The following ANKRD52 variants were observed in gnomAD, a reference collection of about 807,000 sequenced individuals.
ANKRD52 encodes ankyrin repeat domain 52.
Under a neutral mutation model 116.0 loss-of-function variants are expected in ANKRD52, and 7 were observed. The observed-to-expected ratio is 0.06, with a 90% CI of 0.03 to 0.11. ANKRD52 has a LOEUF of 0.11. ANKRD52 is among the 10% of genes least tolerant of loss of function. ANKRD52 has a pLI of 1.00. For synonymous variants in ANKRD52, 528 were observed against 578.1 expected (o/e 0.91, Z 1.24); for missense variants, 839 against 1,408.6 (o/e 0.60, Z 6.47).
intron 18 of ANKRD52, 108 bp downstream of exon 18, chr12:56,247,915 G>T: frequency 1.5e-6 from 2 of 1,365,292 alleles, no homozygotes; most frequent in Non-Finnish European, 2.0e-6. Context: ...ATGAATCAGG[G>T]CTTGAAGTCT....
Position 56,255,178 on chromosome 12 carries a change from G to A in ANKRD52, c.463-226C>T. 2.1e-6 allele frequency: 1 copy of A among 466,826 alleles called. No homozygotes were observed. The highest frequency in any genetic ancestry group is 3.2e-5 in the East Asian group (1 of 31,744). The allele number at this position is 466,826 out of a possible 1,614,324, so 28.9% of individuals were successfully genotyped here. ...ACAAGAGAGTCTCTTCAGGTGATCT[G>A]GTGGTTCTTAAACTCTTTTTTTTTT... On this transcript the variant is annotated intron_variant, in intron 5 of 27. Transcript: ENST00000267116. The surrounding 1 kb of genome is among the most constrained non-coding windows in gnomAD (Gnocchi z 4.3).
In ANKRD52 at chr12:56,244,476, A is replaced by G. The variant is rs937702829; in HGVS notation, c.2723-41T>C. 2 of 1,608,216 alleles carry G rather than the reference A, an allele frequency of 1.2e-6. No individual in the cohort carries two copies. The highest frequency in any genetic ancestry group is 2.7e-5 in the African/African-American group (2 of 74,812). On this transcript the variant is annotated intron_variant, in intron 24 of 27. Transcript: ENST00000267116. The surrounding 1 kb of genome is among the most constrained non-coding windows in gnomAD (Gnocchi z 4.9). Reference sequence around the variant, plus strand: ...GATAGAGGGACTGACCCCTCCCTCCAGAGCAGTAGCCATCCTGGCTCTCCA... The same window carrying G: ...GATAGAGGGACTGACCCCTCCCTCCGGAGCAGTAGCCATCCTGGCTCTCCA...
intron 4 of ANKRD52, among the ~76,000 whole-genome samples, chr12:56,256,785 C>T (rs1001776289): frequency 2.0e-5 from 3 of 152,188 alleles, no homozygotes; most frequent in African/African-American, 2.4e-5. Context: ...GCAGGGCCCC[C>T]GCAGTCTGCC....
At position 56,258,362 on chromosome 12, in the gene ANKRD52, G is replaced by T. The variant is rs1208235161; in HGVS notation, c.-93C>A. ...GAGCGGCCCAGGCGGCGGCTGCGGTGGCGGCTGCAGGGAGAGCGCGGCCCC... is the reference window on the plus strand; with the variant it reads ...GAGCGGCCCAGGCGGCGGCTGCGGTTGCGGCTGCAGGGAGAGCGCGGCCCC... On this transcript the variant is annotated 5_prime_UTR_variant, in exon 1 of 28. Coordinates refer to ENST00000267116, the MANE Select transcript of ANKRD52 (RefSeq NM_173595.4). 5.3e-6 allele frequency: 7 copies of T among 1,328,372 alleles called. No homozygotes were observed. The Admixed American group carries it at 1.6e-4, about 31-fold the overall frequency. 82.3% of individuals were successfully genotyped at this position (1,328,372 alleles called of 1,614,324 possible). A position where few individuals can be genotyped will look rare whatever the true frequency, so the allele number is the denominator to read the frequency against.
chr12:56,245,351 TG>T, intron 21 of ANKRD52, 25 bp downstream of exon 21: 1 of 1,605,468 alleles, frequency 6.2e-7, no homozygotes, highest in Non-Finnish European at 8.5e-7. Context: ...CATGCTCCTG[TG>T]CCTGTGGAGG....
Position 56,247,615 on chromosome 12 carries a change from A to C in ANKRD52, c.2067-5T>G. On this transcript the variant is annotated splice_region_variant and splice_polypyrimidine_tract_variant and intron_variant, in intron 19 of 27. Transcript: ENST00000267116. ...ATGGCCAGCATCAGTGGGGTCCTACAGAAGGGCAGGAGGAGGAGTGAGGAT... is the reference window on the plus strand; with the variant it reads ...ATGGCCAGCATCAGTGGGGTCCTACCGAAGGGCAGGAGGAGGAGTGAGGAT... 6.3e-7 allele frequency: 1 copy of C among 1,590,514 alleles called. No individual in the cohort carries two copies. The highest frequency in any genetic ancestry group is 8.6e-7 in the Non-Finnish European group (1 of 1,167,506).
chr12:56,248,691 T>G lies in ANKRD52; in HGVS notation c.1704+68A>C. On this transcript the variant is annotated intron_variant, in intron 16 of 27. Coordinates refer to ENST00000267116, the MANE Select transcript of ANKRD52 (RefSeq NM_173595.4). This position sits in a 1 kb window ranked among gnomAD's most constrained non-coding sequence, Gnocchi z 5.1. ...AGACCACATTTGATTGAACCCTTAG[T>G]TTTGGAATCCACAAACCCTGTGCCC... The G allele has an allele frequency of 1.3e-6, 2 of 1,507,716 alleles. No homozygotes were observed. Among genetic ancestry groups the G allele is most frequent in the Non-Finnish European group, 1.8e-6 (2 of 1,103,390 alleles). The allele number at this position is 1,507,716 out of a possible 1,614,324, so 93.4% of individuals were successfully genotyped here. A position where few individuals can be genotyped will look rare whatever the true frequency, so the allele number is the denominator to read the frequency against.
chr12:56,245,016 C>T (rs1363061744), intron 22 of ANKRD52, 27 bp from the exon 23 acceptor site: 3 of 1,613,506 alleles, frequency 1.9e-6, no homozygotes, highest in Non-Finnish European at 2.5e-6. Context: ...GAGGGGTCAT[C>T]AGGAAGGACA....
In ANKRD52 at chr12:56,254,665, C is replaced by T; in HGVS notation, c.606G>A (p.Lys202=). ...LVARGADLGC[K]DRKGYGLLHT... ...GGAGCAGCCCATAGCCCTTGCGGTC[C>T]TTGCAGCCGAGGTCTGCTCCCCGTG... Residue 202 remains lysine, a synonymous_variant, in exon 7 of 28, where the codon AAG becomes AAA. Transcript: ENST00000267116. This position sits in a 1 kb window ranked among gnomAD's most constrained non-coding sequence, Gnocchi z 4.6. 6.2e-7 allele frequency: 1 copy of T among 1,613,676 alleles called. No individual in the cohort carries two copies. The highest frequency in any genetic ancestry group is 1.7e-5 in the Admixed American group (1 of 60,008).
rs1439565856 is a variant in ANKRD52, at chr12:56,253,764, T to C, written c.943A>G (p.Ile315Val). 4 of 1,613,820 alleles carry C rather than the reference T, an allele frequency of 2.5e-6. No individual in the cohort carries two copies. Among genetic ancestry groups the C allele is most frequent in the Non-Finnish European group, 3.4e-6 (4 of 1,179,878 alleles). ...TGGGAGCGTGTGAAACGGCCATGGA[T>C]TGCAGCCATGTGCAGAGGACTTTTC... ...EGKSPLHMAA[I>V]HGRFTRSQIL... The change falls in exon 9 of 28, where the codon ATC becomes GTC. Residue 315 changes from isoleucine to valine, a missense_variant. By Grantham distance (29) the Ile-to-Val change is conservative. Transcript: ENST00000267116. This position sits in a 1 kb window ranked among gnomAD's most constrained non-coding sequence, Gnocchi z 5.5.
At position 56,244,446 on chromosome 12, in the gene ANKRD52, A is replaced by G; in HGVS notation, c.2723-11T>C. ...GATACAGCAGAAATTCTACGAGAGA[A>G]ATGTGATAGAGGGACTGACCCCTCC... On this transcript the variant is annotated splice_polypyrimidine_tract_variant and intron_variant, in intron 24 of 27. Transcript: ENST00000267116. The surrounding 1 kb of genome is among the most constrained non-coding windows in gnomAD (Gnocchi z 4.9). The G allele has an allele frequency of 6.2e-7, 1 of 1,613,706 alleles. No individual in the cohort carries two copies. The highest frequency in any genetic ancestry group is 8.5e-7 in the Non-Finnish European group (1 of 1,179,692).
At chr12:56,247,364 AG>A (rs375514781) in intron 20 of ANKRD52, 128 bp downstream of exon 20, 8 of 752,594 alleles carry the variant, frequency 1.1e-5, no homozygotes, top group Admixed American at 6.1e-5. Context: ...AAAAAAAAAA[AG>A]AAAAAGAAAA....
chr12:56,243,462 G>T lies in ANKRD52; in HGVS notation c.2981-70C>A. Reference sequence around the variant, plus strand: ...TAGCCAGCCTCCCCCAAGCCCTGAAGTCTCTTCTCTGTGGAGGGAGCCAAG... The same window carrying T: ...TAGCCAGCCTCCCCCAAGCCCTGAATTCTCTTCTCTGTGGAGGGAGCCAAG... On this transcript the variant is annotated intron_variant, in intron 27 of 27. Coordinates refer to ENST00000267116, the MANE Select transcript of ANKRD52 (RefSeq NM_173595.4). The surrounding 1 kb of genome is among the most constrained non-coding windows in gnomAD (Gnocchi z 4.6). 6.5e-6 allele frequency: 10 copies of T among 1,533,536 alleles called. No homozygotes were observed. Among genetic ancestry groups the T allele is most frequent in the Non-Finnish European group, 8.8e-6 (10 of 1,136,162 alleles). 95.0% of individuals were successfully genotyped at this position (1,533,536 alleles called of 1,614,324 possible).
Position 56,242,065 on chromosome 12 carries a change from T to C in ANKRD52, c.*1077A>G, listed in dbSNP as rs1296839501. 4 of 398,442 alleles carry C rather than the reference T, an allele frequency of 1.0e-5. No homozygotes were observed. Among genetic ancestry groups the C allele is most frequent in the Non-Finnish European group, 1.8e-5 (4 of 226,088 alleles). 24.7% of individuals were successfully genotyped at this position (398,442 alleles called of 1,614,324 possible). On this transcript the variant is annotated 3_prime_UTR_variant, in exon 28 of 28. Transcript: ENST00000267116. This position sits in a 1 kb window ranked among gnomAD's most constrained non-coding sequence, Gnocchi z 4.3. The stretch of plus-strand genomic sequence containing the variant: ...TCTTTGGCTTCAGATCAGGAGTGAC[T>C]GGGGCAGTGGGTACTCTTGGACATA...
chr12:56,251,143 G>A (rs1158315480), intron 15 of ANKRD52, among the ~76,000 whole-genome samples: 7 of 152,054 alleles, frequency 4.6e-5, no homozygotes, highest in South Asian at 2.1e-4. Flanking sequence ...GTTTCACCAC[G>A]TTGGCCAGGC....
Position 56,242,160 on chromosome 12 carries a change from T to C in ANKRD52, c.*982A>G. On this transcript the variant is annotated 3_prime_UTR_variant, in exon 28 of 28. Coordinates refer to ENST00000267116, the MANE Select transcript of ANKRD52 (RefSeq NM_173595.4). This position sits in a 1 kb window ranked among gnomAD's most constrained non-coding sequence, Gnocchi z 4.3. ...TGGCGGCACAGGAGGAAGAACATGGTCCCTCCCTCCATATACATGCAAACA... is the reference window on the plus strand; with the variant it reads ...TGGCGGCACAGGAGGAAGAACATGGCCCCTCCCTCCATATACATGCAAACA... The C allele has an allele frequency of 2.5e-6, 1 of 398,516 alleles. No homozygotes were observed. The highest frequency in any genetic ancestry group is 4.4e-6 in the Non-Finnish European group (1 of 226,038). The allele number at this position is 398,516 out of a possible 1,614,324, so 24.7% of individuals were successfully genotyped here.
At chr12:56,249,595 A>C (rs1871585413) in intron 15 of ANKRD52, among the ~76,000 whole-genome samples, 1 of 152,176 alleles carries the variant, frequency 6.6e-6, no homozygotes, top group African/African-American at 2.4e-5. Flanking sequence ...AAAATTATTT[A>C]ATTTACTTAT....
chr12:56,243,520 G>A lies in ANKRD52; in HGVS notation c.2981-128C>T. The A allele has an allele frequency of 2.2e-6, 3 of 1,343,210 alleles. No individual in the cohort carries two copies. The allele number at this position is 1,343,210 out of a possible 1,614,324, so 83.2% of individuals were successfully genotyped here. On this transcript the variant is annotated intron_variant, in intron 27 of 27. Transcript: ENST00000267116. This position sits in a 1 kb window ranked among gnomAD's most constrained non-coding sequence, Gnocchi z 4.6. ...GGTACCCAGCAGCGGCAGAATCCAA[G>A]GGTGACGAGGGCCCAGGAAGGCTGA... is the stretch of plus-strand genomic sequence containing the variant.
Position 56,257,335 on chromosome 12 carries a change from A to G in ANKRD52, c.138T>C (p.His46=). Residue 46 remains histidine (H), a synonymous_variant, in exon 3 of 28, where the codon CAT becomes CAC. Coordinates refer to ENST00000267116, the MANE Select transcript of ANKRD52 (RefSeq NM_173595.4). ...GGACATCGCCTACGTAGGCAGCAGC[A>G]TGCAATGGAGTTCGCCTCTCTTGGT... ...VLDQERRTPL[H]AAAYVGDVPI... is the part of the protein sequence containing the mutation. 1 of 1,596,804 alleles carries G rather than the reference A, an allele frequency of 6.3e-7. No individual in the cohort carries two copies.
Sources: gnomAD v4.1 joint callset for allele counts (sites outside exome capture counted in the v4.1 genomes callset) on GRCh38, gnomAD v4.1.1 for gene constraint, Gnocchi (gnomAD v3.1) non-coding constraint, MANE v1.5 for transcripts, NCBI Gene and HGNC (gene_info 2026-07-23, HGNC 2026-07-21) for gene names.